The following EFCAB7 variants were observed in gnomAD, a reference collection of about 807,000 sequenced individuals.
EFCAB7 encodes EF-hand calcium binding domain 7, also known as EF-hand calcium-binding domain-containing protein 7.
EFCAB7 carries 66 observed loss-of-function variants against 77.1 expected under a neutral mutation model. The ratio of observed to expected loss-of-function variants is 0.86; its 90% CI spans 0.70 to 1.05. EFCAB7 has a LOEUF of 1.05. Ranked by LOEUF, EFCAB7 falls within the 50% of genes least tolerant of loss-of-function variation. The pLI is 0.00. For missense variants in EFCAB7, 638 were observed against 730.5 expected, an observed-to-expected ratio of 0.87 and a Z score of 1.46; for synonymous variants, 225 against 243.3, an observed-to-expected ratio of 0.92 and a Z score of 0.70.
In EFCAB7 at chr1:63,542,473, CT is replaced by C. The variant is rs1464092582; in HGVS notation, c.805-3442del. Among the ~76,000 whole-genome samples, 4 of 152,308 alleles carry C rather than the reference CT, an allele frequency of 2.6e-5. No homozygotes were observed. The South Asian group carries it at 8.3e-4, about 32-fold the overall frequency. On this transcript the variant is annotated intron_variant, in intron 6 of 13. Coordinates refer to ENST00000371088, the MANE Select transcript of EFCAB7 (RefSeq NM_032437.4). Reference sequence around the variant, plus strand: ...ATTCTTCTGGTTCTATACCTAGAAGCTGGAATTGCTAGGTCATATAGAATTC... The same window carrying C: ...ATTCTTCTGGTTCTATACCTAGAAGCGGAATTGCTAGGTCATATAGAATTC...
chr1:63,532,702 T>A lies in EFCAB7; in HGVS notation c.432T>A (p.Asn144Lys). 6.2e-7 allele frequency: 1 copy of A among 1,603,922 alleles called. No individual in the cohort carries two copies. The highest frequency in any genetic ancestry group is 8.5e-7 in the Non-Finnish European group (1 of 1,176,252). Residue 144 changes from asparagine (N) to lysine (K), a missense_variant, in exon 4 of 14, where the codon AAT (asparagine) becomes AAA (lysine). Physicochemically the swap from Asn to Lys is moderately conservative, Grantham distance 94 (BLOSUM62 0). Coordinates refer to ENST00000371088, the MANE Select transcript of EFCAB7 (RefSeq NM_032437.4). ...AGAAGATGACTCGAGAAGAAGTAAA[T>A]GCCATAATAAATTTGGCTGATGTAA... is the stretch of plus-strand genomic sequence containing the variant. ...RGEKMTREEV[N>K]AIINLADVNA...
chr1:63,580,743 T>C, the EFCAB7 span, among the ~76,000 whole-genome samples: 17 of 152,210 alleles, frequency 1.1e-4, no homozygotes, highest in African/African-American at 3.9e-4. Flanking sequence ...GTAGGTTTTA[T>C]TTCTTTGATC....
intron 11 of EFCAB7, among the ~76,000 whole-genome samples, chr1:63,565,048 AT>A (rs1647153462): frequency 6.6e-6 from 1 of 152,190 alleles, no homozygotes; most frequent in African/African-American, 2.4e-5. Flanking sequence ...CTTACACCAT[AT>A]ACAAAAATTA....
chr1:63,571,222 A>G lies in EFCAB7; in HGVS notation c.1815+94A>G, dbSNP rs563022434. On this transcript the variant is annotated intron_variant, in intron 13 of 13. Coordinates refer to ENST00000371088, the MANE Select transcript of EFCAB7 (RefSeq NM_032437.4). ...TGAGTAAAATGTAAATATAAAATGG[A>G]GTGGAAAATTATTTTAAGTATGATA... 7.3e-5 allele frequency: 56 copies of G among 772,350 alleles called. No individual in the cohort carries two copies. The Middle Eastern group carries it at 1.3e-3, about 17-fold the overall frequency. The allele number at this position is 772,350 out of a possible 1,614,324, so 47.8% of individuals were successfully genotyped here.
At chr1:63,549,493 A>G (rs1424991870) in intron 7 of EFCAB7, 1 of 459,442 alleles carries the variant, frequency 2.2e-6, no homozygotes, top group Non-Finnish European at 4.5e-6. Context: ...CAGGAGGTGG[A>G]TAATTACTGT....
chr1:63,532,756 G>C lies in EFCAB7; in HGVS notation c.486G>C (p.Lys162Asn). ...CTGATGGCAAATTTGACTACATCAAGGTACATAAGCTCACATTGATGTAAA... is the reference window on the plus strand; with the variant it reads ...CTGATGGCAAATTTGACTACATCAACGTACATAAGCTCACATTGATGTAAA... ...VNADGKFDYI[K>N]FCKLYMTTNE... Residue 162 changes from lysine (K) to asparagine (N), a missense_variant and splice_region_variant, in exon 4 of 14, where the codon AAG becomes AAC. Physicochemically the swap from Lys to Asn is moderately conservative, Grantham distance 94. Transcript: ENST00000371088. The C allele has an allele frequency of 6.3e-7, 1 of 1,594,358 alleles. No individual in the cohort carries two copies.
At chr1:63,572,399 A>T (rs1272647769) in intron 13 of EFCAB7, 43 bp from the exon 14 acceptor site, 2 of 1,521,518 alleles carry the variant, frequency 1.3e-6, no homozygotes, top group Non-Finnish European at 1.8e-6. Context: ...CAAAAGTAAC[A>T]ATATATAAAA....
chr1:63,578,806 A>G, the EFCAB7 span, among the ~76,000 whole-genome samples: 1 of 151,718 alleles, frequency 6.6e-6, no homozygotes, highest in East Asian at 1.9e-4. Flanking sequence ...TGCTTTAATT[A>G]TTGCTTATAT....
At chr1:63,551,311 G>A (rs986007815) in intron 7 of EFCAB7, among the ~76,000 whole-genome samples, 6 of 152,172 alleles carry the variant, frequency 3.9e-5, no homozygotes, top group Admixed American at 2.6e-4. Context: ...ATGGAATATG[G>A]GCCGGGTGTG....
At chr1:63,533,977 G>T in intron 5 of EFCAB7, 118 bp from the exon 6 acceptor site, 3 of 1,130,406 alleles carry the variant, frequency 2.7e-6, no homozygotes, top group East Asian at 2.4e-5. Context: ...TATTTCAATA[G>T]GGAGAACAAA....
intron 10 of EFCAB7, among the ~76,000 whole-genome samples, chr1:63,557,709 C>T (rs1389300938): frequency 6.6e-6 from 1 of 152,130 alleles, no homozygotes; most frequent in Non-Finnish European, 1.5e-5. Context: ...TTAAAAAGTC[C>T]ATTTATGGAA....
At position 63,532,819 on chromosome 1, in the gene EFCAB7, C is replaced by T. The variant is rs920980033; in HGVS notation, c.486+63C>T. ...GTTGGAAAAGTGTTTTTATTTTTCCCCAGCTTTATTAAGGTATAATTGACA... is the reference window on the plus strand; with the variant it reads ...GTTGGAAAAGTGTTTTTATTTTTCCTCAGCTTTATTAAGGTATAATTGACA... On this transcript the variant is annotated intron_variant, in intron 4 of 13. Transcript: ENST00000371088. 25 of 1,318,912 alleles carry T rather than the reference C, an allele frequency of 1.9e-5. No individual in the cohort carries two copies. In the Admixed American group the frequency reaches 4.3e-4, roughly 23 times the overall value. The allele number at this position is 1,318,912 out of a possible 1,614,324, so 81.7% of individuals were successfully genotyped here.
chr1:63,524,103 A>G (rs1646533782), intron 1 of EFCAB7, among the ~76,000 whole-genome samples: 1 of 152,194 alleles, frequency 6.6e-6, no homozygotes, highest in South Asian at 2.1e-4. Flanking sequence ...AAAGAATAAA[A>G]TTCTGGCACA....
chr1:63,583,703 TAGAAA>T, the EFCAB7 span, among the ~76,000 whole-genome samples: 3 of 152,128 alleles, frequency 2.0e-5, no homozygotes, highest in South Asian at 6.2e-4. Context: ...GATGGCCTTT[TAGAAA>T]AGAAAACTAT....
chr1:63,568,429 C>T lies in EFCAB7; in HGVS notation c.1617C>T (p.Asn539=), dbSNP rs757605877. 26 of 1,586,984 alleles carry T rather than the reference C, an allele frequency of 1.6e-5. No individual in the cohort carries two copies. In the East Asian group the frequency reaches 3.7e-4, roughly 22 times the overall value. ...CCATTTGTAAATCTGTTCTTAGCAA[C>T]GGTGATGCCAAAGTAATGGATGGCT... ...EKAICKSVLS[N]GDAKVMDGYE... Residue 539 remains asparagine (N), a synonymous_variant, in exon 12 of 14, where the codon AAC becomes AAT. Transcript: ENST00000371088.
chr1:63,526,558 T>C (rs1229505383), intron 2 of EFCAB7, among the ~76,000 whole-genome samples: 1 of 152,210 alleles, frequency 6.6e-6, no homozygotes, highest in Admixed American at 6.5e-5. Context: ...TTTTGAGGAA[T>C]ACAAGAATTG....
intron 11 of EFCAB7, among the ~76,000 whole-genome samples, chr1:63,567,461 A>T (rs527449949): frequency 9.8e-5 from 15 of 152,288 alleles, no homozygotes; most frequent in Admixed American, 2.0e-4. Context: ...CTCCAAAAAA[A>T]AAAAATTATT....
At chr1:63,574,157 C>T (rs1647345060), downstream of EFCAB7, among the ~76,000 whole-genome samples, 1 of 152,042 alleles carries the variant, frequency 6.6e-6, no homozygotes, top group Non-Finnish European at 1.5e-5. Context: ...TGGGGCAAAT[C>T]CCCGAGCTTG....
chr1:63,562,102 G>A (rs1444788933), intron 11 of EFCAB7, among the ~76,000 whole-genome samples: 1 of 151,830 alleles, frequency 6.6e-6, no homozygotes, highest in Non-Finnish European at 1.5e-5. Context: ...ATAATATGCA[G>A]GAAAAAAATT....
Sources: allele counts gnomAD v4.1 joint callset (sites outside exome capture counted in the v4.1 genomes callset), GRCh38; gene constraint gnomAD v4.1.1; transcripts MANE v1.5; gene names NCBI Gene and HGNC (gene_info 2026-07-23, HGNC 2026-07-21).